The following PRKRIP1 variants were observed in gnomAD, a reference collection of about 807,000 sequenced individuals.
PRKRIP1 encodes the protein PRKR-interacting protein 1.
PRKRIP1 carries 29 observed loss-of-function variants against 29.3 expected under a neutral mutation model. That is an observed-to-expected ratio of 0.99 (90% confidence interval 0.74 to 1.35). The LOEUF (loss-of-function observed/expected upper bound fraction) is 1.35. PRKRIP1 is among the 40% of genes most tolerant of loss of function. The pLI is 0.00. For synonymous variants in PRKRIP1, 90 were observed against 85.1 expected, an observed-to-expected ratio of 1.06 and a Z score of -0.32; for missense variants, 247 against 236.8, an observed-to-expected ratio of 1.04 and a Z score of -0.28.
intron 3 of PRKRIP1, among the ~76,000 whole-genome samples, chr7:102,403,674 A>G (rs1281756044): frequency 3.3e-5 from 5 of 152,156 alleles, no homozygotes; most frequent in African/African-American, 4.8e-5. Flanking sequence ...ATTGTGCCCA[A>G]ACCCTTATTT....
chr7:102,404,732 G>A (rs782597626), intron 4 of PRKRIP1, 49 bp downstream of exon 4: 2 of 1,456,888 alleles, frequency 1.4e-6, no homozygotes, highest in South Asian at 1.2e-5. Flanking sequence ...CAGGGGTGGT[G>A]GCTGGGTGAG....
At chr7:102,411,384 T>C (rs1796379165) in intron 5 of PRKRIP1, among the ~76,000 whole-genome samples, 2 of 151,806 alleles carry the variant, frequency 1.3e-5, no homozygotes, top group South Asian at 4.2e-4. Context: ...TGTTTTTTTT[T>C]TGTTTGTTTG....
At position 102,397,502 on chromosome 7, in the gene PRKRIP1, C is replaced by T. The variant is rs562829541; in HGVS notation, c.127-118C>T. 1.2e-4 allele frequency: 93 copies of T among 761,826 alleles called. 1 individual carries two copies. In the South Asian group the frequency reaches 1.5e-3, roughly 13 times the overall value. The allele number at this position is 761,826 out of a possible 1,614,324, so 47.2% of individuals were successfully genotyped here. A position where few individuals can be genotyped will look rare whatever the true frequency, so the allele number is the denominator to read the frequency against. ...TCAAGGCTGCAGTGAGCTCTGATTG[C>T]ACCACTGCACTCCAGCCTGAGGAAC... On this transcript the variant is annotated intron_variant, in intron 1 of 5. Transcript: ENST00000397912.
intron 5 of PRKRIP1, among the ~76,000 whole-genome samples, chr7:102,411,735 T>G (rs1212737235): frequency 6.6e-6 from 1 of 152,062 alleles, no homozygotes; most frequent in Non-Finnish European, 1.5e-5. Context: ...CCATAGTAAC[T>G]GAACCATTTT....
At chr7:102,403,075 A>G (rs1381504406) in intron 3 of PRKRIP1, among the ~76,000 whole-genome samples, 1 of 152,076 alleles carries the variant, frequency 6.6e-6, no homozygotes, top group Non-Finnish European at 1.5e-5. Flanking sequence ...GGGTTTCACC[A>G]TGTTGCCCAC....
At chr7:102,402,824 A>G (rs1211400615) in intron 3 of PRKRIP1, among the ~76,000 whole-genome samples, 1 of 151,922 alleles carries the variant, frequency 6.6e-6, no homozygotes, top group African/African-American at 2.4e-5. Context: ...GGCTCTGTTT[A>G]GTTCACTTGC....
intron 5 of PRKRIP1, among the ~76,000 whole-genome samples, chr7:102,418,109 G>A (rs1440629473): frequency 4.0e-5 from 6 of 149,868 alleles, no homozygotes; most frequent in Non-Finnish European, 7.4e-5. Flanking sequence ...GAGTGCAATG[G>A]TGCGATCTCG....
intron 3 of PRKRIP1, among the ~76,000 whole-genome samples, chr7:102,403,547 TGTGCAGTG>T (rs1469765265): frequency 6.6e-6 from 1 of 152,212 alleles, no homozygotes; most frequent in African/African-American, 2.4e-5. Context: ...CCTAGACTGG[TGTGCAGTG>T]GCGCAATTTC....
chr7:102,425,271 G>A lies in PRKRIP1; in HGVS notation c.*160G>A, dbSNP rs1292264606. 23 of 1,457,818 alleles carry A rather than the reference G, an allele frequency of 1.6e-5. No individual in the cohort carries two copies. Among genetic ancestry groups the A allele is most frequent in the South Asian group, 7.7e-5 (6 of 78,098 alleles). The allele number at this position is 1,457,818 out of a possible 1,614,324, so 90.3% of individuals were successfully genotyped here. On this transcript the variant is annotated 3_prime_UTR_variant, in exon 6 of 6. Transcript: ENST00000397912. Reference sequence around the variant, plus strand: ...CCGCTCACAGTCCTGTATTTGGCAGGTTTGGGAGCCTGAGGGGCCATCTCC... The same window carrying A: ...CCGCTCACAGTCCTGTATTTGGCAGATTTGGGAGCCTGAGGGGCCATCTCC...
chr7:102,397,217 T>C (rs1795930828), intron 1 of PRKRIP1, among the ~76,000 whole-genome samples: 1 of 152,148 alleles, frequency 6.6e-6, no homozygotes, highest in South Asian at 2.1e-4. Context: ...GCAGTCCTGC[T>C]TCATTAGTCA....
intron 5 of PRKRIP1, among the ~76,000 whole-genome samples, chr7:102,411,792 A>G (rs1178925135): frequency 1.5e-5 from 2 of 133,456 alleles, no homozygotes; most frequent in African/African-American, 2.8e-5. Context: ...CATCCTCACC[A>G]ACACTTATTT....
At chr7:102,406,987 A>G (rs1021545915) in intron 4 of PRKRIP1, among the ~76,000 whole-genome samples, 2 of 152,128 alleles carry the variant, frequency 1.3e-5, no homozygotes, top group Admixed American at 1.3e-4. Context: ...AGGCCAAGGC[A>G]GGTGGATCAC....
intron 5 of PRKRIP1, among the ~76,000 whole-genome samples, chr7:102,410,663 A>T (rs1267197385): frequency 1.3e-5 from 2 of 152,346 alleles, no homozygotes; most frequent in South Asian, 4.1e-4. Flanking sequence ...GCATTTGAAC[A>T]GCTCGAGGAG....
intron 5 of PRKRIP1, among the ~76,000 whole-genome samples, chr7:102,415,622 C>G (rs549049312): frequency 6.6e-6 from 1 of 152,362 alleles, no homozygotes; most frequent in African/African-American, 2.4e-5. Flanking sequence ...ATGCTTCTTA[C>G]GTACCCCTAG....
At chr7:102,406,286 C>T (rs1309572058) in intron 4 of PRKRIP1, among the ~76,000 whole-genome samples, 1 of 151,992 alleles carries the variant, frequency 6.6e-6, no homozygotes, top group African/African-American at 2.4e-5. Context: ...TTTTTTGGTG[C>T]GAGTTTGGCT....
At chr7:102,409,369 C>T (rs892641816) in intron 5 of PRKRIP1, among the ~76,000 whole-genome samples, 5 of 152,120 alleles carry the variant, frequency 3.3e-5, no homozygotes, top group Non-Finnish European at 5.9e-5. Flanking sequence ...ACTTTCCCCT[C>T]CACCGCAACA....
chr7:102,415,233 AG>A (rs1466356359), intron 5 of PRKRIP1, among the ~76,000 whole-genome samples: 1 of 152,118 alleles, frequency 6.6e-6, no homozygotes, highest in Non-Finnish European at 1.5e-5. Context: ...ACCTGTGTAC[AG>A]CCTCCAAAGC....
chr7:102,399,669 G>GCTCA, intron 3 of PRKRIP1, 21 bp downstream of exon 3: 1 of 1,568,058 alleles, frequency 6.4e-7, no homozygotes, highest in Non-Finnish European at 8.8e-7. Flanking sequence ...CAGAAGGCTG[G>GCTCA]CTGAGCCCCC....
At chr7:102,419,891 GTGTGTT>G (rs1228512840) in intron 5 of PRKRIP1, among the ~76,000 whole-genome samples, 7 of 132,576 alleles carry the variant, frequency 5.3e-5, no homozygotes, top group Non-Finnish European at 8.2e-5. Flanking sequence ...GTGTGTGTGT[GTGTGTT>G]TTTGAGATGG....
Sources: gnomAD v4.1 joint callset for allele counts (sites outside exome capture counted in the v4.1 genomes callset) on GRCh38, gnomAD v4.1.1 for gene constraint, MANE v1.5 for transcripts, NCBI Gene and HGNC (gene_info 2026-07-23, HGNC 2026-07-21) for gene names.